ZBTB7C: variants seen among roughly 807,000 people sequenced by gnomAD.
ZBTB7C encodes zinc finger and BTB domain-containing protein 7C.
ZBTB7C carries 8 observed loss-of-function variants against 25.7 expected under a neutral mutation model. The ratio of observed to expected loss-of-function variants is 0.31; its 90% CI spans 0.18 to 0.56. The LOEUF is 0.56. ZBTB7C is among the 20% of genes least tolerant of loss of function. The pLI is 0.91. For synonymous variants in ZBTB7C, 394 were observed against 369.0 expected (o/e 1.07, Z -0.78); for missense variants, 824 against 855.2 (o/e 0.96, Z 0.46).
Position 48,139,454 on chromosome 18 carries a change from G to A in ZBTB7C, c.-17+46480C>T, listed in dbSNP as rs184918987. On this transcript the variant is annotated intron_variant, in intron 3 of 4. Coordinates refer to ENST00000590800, the MANE Select transcript of ZBTB7C (RefSeq NM_001318841.2). Reference sequence around the variant, plus strand: ...TGCCCAGCCCAGCTTACCCCCAGGCGGCTCCTCCTAGCCAGGGTTCCAGTC... The same window carrying A: ...TGCCCAGCCCAGCTTACCCCCAGGCAGCTCCTCCTAGCCAGGGTTCCAGTC... 1.0e-3 allele frequency among the ~76,000 whole-genome samples: 155 copies of A among 152,204 alleles called. 1 individual carries two copies. Among genetic ancestry groups the A allele is most frequent in the African/African-American group, 3.7e-3 (152 of 41,540 alleles).
Position 48,292,197 on chromosome 18 carries a change from CA to C in ZBTB7C, c.-79+45976del, listed in dbSNP as rs572843784. Among the ~76,000 whole-genome samples, 189 of 143,492 alleles carry C rather than the reference CA, an allele frequency of 1.3e-3. 1 individual carries two copies. Among genetic ancestry groups the C allele is most frequent in the Middle Eastern group, 3.5e-3 (1 of 282 alleles). 94.1% of individuals were successfully genotyped at this position (143,492 alleles called of 152,430 possible). ...TGGGTGACAGAGGGAGACTCCATCT[CA>C]AAAAAAAAAAATTGCTACGATCTGT... On this transcript the variant is annotated intron_variant, in intron 2 of 4. Transcript: ENST00000590800.
chr18:48,270,177 A>G (rs2044432362), intron 2 of ZBTB7C, among the ~76,000 whole-genome samples: 1 of 151,976 alleles, frequency 6.6e-6, no homozygotes. Flanking sequence ...GAGATAAGAT[A>G]CTAAATATGA....
chr18:48,369,958 C>A (rs1235343731), intron 1 of ZBTB7C, among the ~76,000 whole-genome samples: 1 of 152,066 alleles, frequency 6.6e-6, no homozygotes, highest in Non-Finnish European at 1.5e-5. Flanking sequence ...TCTCAGGTGG[C>A]CCCAGGATGT....
chr18:48,294,371 C>T (rs1305183022), intron 2 of ZBTB7C, among the ~76,000 whole-genome samples: 4 of 149,724 alleles, frequency 2.7e-5, no homozygotes, highest in Non-Finnish European at 6.0e-5. Flanking sequence ...TCCCAGGCCC[C>T]GTTCCTAGGT....
At chr18:48,191,036 A>C (rs1208103474) in intron 2 of ZBTB7C, among the ~76,000 whole-genome samples, 1 of 152,238 alleles carries the variant, frequency 6.6e-6, no homozygotes, top group Admixed American at 6.5e-5. Context: ...AGGCCACGGA[A>C]GCCCAGTGGG....
chr18:48,112,683 TG>T (rs1291609080), intron 3 of ZBTB7C, among the ~76,000 whole-genome samples: 1 of 152,146 alleles, frequency 6.6e-6, no homozygotes, highest in African/African-American at 2.4e-5. Flanking sequence ...TAAAATTATG[TG>T]GGCTTTTTCC....
At chr18:48,194,325 C>T (rs1010367470) in intron 2 of ZBTB7C, among the ~76,000 whole-genome samples, 13 of 152,230 alleles carry the variant, frequency 8.5e-5, no homozygotes, top group African/African-American at 3.1e-4. Flanking sequence ...TCCTGCAGCT[C>T]TCTGTCCATT....
chr18:48,179,021 T>C lies in ZBTB7C; in HGVS notation c.-17+6913A>G, dbSNP rs140712105. 3.9e-4 allele frequency among the ~76,000 whole-genome samples: 59 copies of C among 152,268 alleles called. No individual in the cohort carries two copies. The Middle Eastern group carries it at 0.01, about 26-fold the overall frequency. ...ATTTTGAAGTGGGTGGAGGGGACAA[T>C]GCCAGGGACCCTGAGGCTTAAAGAT... On this transcript the variant is annotated intron_variant, in intron 3 of 4. Transcript: ENST00000590800.
At chr18:48,188,752 C>T (rs1175309269) in intron 2 of ZBTB7C, among the ~76,000 whole-genome samples, 1 of 152,188 alleles carries the variant, frequency 6.6e-6, no homozygotes, top group African/African-American at 2.4e-5. Flanking sequence ...TCTGCTCTCC[C>T]CACCGGGAAC....
At chr18:48,141,849 T>C (rs1261478990) in intron 3 of ZBTB7C, among the ~76,000 whole-genome samples, 1 of 152,244 alleles carries the variant, frequency 6.6e-6, no homozygotes, top group Non-Finnish European at 1.5e-5. Context: ...AATCACAGGC[T>C]ATGACCTCAC....
chr18:48,368,672 C>T (rs921742015), intron 1 of ZBTB7C, among the ~76,000 whole-genome samples: 4 of 152,022 alleles, frequency 2.6e-5, no homozygotes, highest in Non-Finnish European at 5.9e-5. Context: ...TAAAGAGGAA[C>T]AAAAAGTCTT....
chr18:48,141,146 A>ACCCCC (rs1377082699), intron 3 of ZBTB7C, among the ~76,000 whole-genome samples: 6 of 81,656 alleles, frequency 7.3e-5, no homozygotes, highest in Admixed American at 4.8e-4. Context: ...CCCCCGCACC[A>ACCCCC]CCCCCCCCAC....
intron 3 of ZBTB7C, among the ~76,000 whole-genome samples, chr18:48,067,105 A>AAAAACAAAAC (rs146239933): frequency 5.3e-5 from 8 of 151,928 alleles, no homozygotes; most frequent in Non-Finnish European, 1.2e-4. Flanking sequence ...CCATCTCCAA[A>AAAAACAAAAC]AAAACAAAAC....
At chr18:48,059,191 TA>T (rs778925423) in intron 3 of ZBTB7C, among the ~76,000 whole-genome samples, 2 of 152,202 alleles carry the variant, frequency 1.3e-5, no homozygotes, top group Non-Finnish European at 2.9e-5. Flanking sequence ...TTTGTCCATT[TA>T]TTTTTTTTTG....
chr18:48,086,944 A>G (rs1275236088), intron 3 of ZBTB7C, among the ~76,000 whole-genome samples: 1 of 152,186 alleles, frequency 6.6e-6, no homozygotes, highest in South Asian at 2.1e-4. Flanking sequence ...CTTACTTCCT[A>G]CAAGGCGCTG....
At chr18:48,254,546 C>T (rs2043968642) in intron 2 of ZBTB7C, among the ~76,000 whole-genome samples, 1 of 152,188 alleles carries the variant, frequency 6.6e-6, no homozygotes, top group African/African-American at 2.4e-5. Context: ...ATCCTCCTCT[C>T]TCGTTTCTTC....
chr18:48,259,281 A>ATT (rs2044104096), intron 2 of ZBTB7C, among the ~76,000 whole-genome samples: 3 of 126,010 alleles, frequency 2.4e-5, no homozygotes, highest in East Asian at 2.9e-4. Context: ...AGAGTGTAAA[A>ATT]GCAATTCAAT....
intron 2 of ZBTB7C, among the ~76,000 whole-genome samples, chr18:48,213,882 C>T (rs2145259196): frequency 6.6e-6 from 1 of 152,314 alleles, no homozygotes; most frequent in Admixed American, 6.5e-5. Flanking sequence ...TTCCATGGAG[C>T]TGTCAAAATG....
intron 2 of ZBTB7C, among the ~76,000 whole-genome samples, chr18:48,280,153 A>G (rs957830145): frequency 1.3e-5 from 2 of 152,110 alleles, no homozygotes; most frequent in Non-Finnish European, 2.9e-5. Flanking sequence ...AGGAGCATGT[A>G]TTGGAGGGTG....
Sources: allele counts gnomAD v4.1 joint callset (sites outside exome capture counted in the v4.1 genomes callset), GRCh38; gene constraint gnomAD v4.1.1; transcripts MANE v1.5; gene names NCBI Gene and HGNC (gene_info 2026-07-23, HGNC 2026-07-21).